The following TTLL5 variants were observed in gnomAD, a reference collection of about 807,000 sequenced individuals.
The protein encoded by TTLL5 is tubulin tyrosine ligase like 5.
In TTLL5, 132 loss-of-function variants were observed where a neutral mutation model predicts 168.4. The observed-to-expected ratio is 0.78, with a 90% confidence interval of 0.68 to 0.91. TTLL5 has a LOEUF of 0.91. Ranked by LOEUF, TTLL5 falls within the 40% of genes least tolerant of loss-of-function variation. The probability of loss-of-function intolerance (pLI) is 0.00; values close to 1 mark genes in which losing one functional copy is unlikely to be tolerated. For missense variants in TTLL5, 1,545 were observed against 1,581.5 expected, an observed-to-expected ratio of 0.98 and a Z score of 0.39; for synonymous variants, 546 against 558.6, an observed-to-expected ratio of 0.98 and a Z score of 0.32.
At chr14:75,694,522 TG>T (rs1167590656) in intron 6 of TTLL5, among the ~76,000 whole-genome samples, 2 of 152,032 alleles carry the variant, frequency 1.3e-5, no homozygotes, top group Non-Finnish European at 2.9e-5. Context: ...TTAGTAGAGA[TG>T]GGGTTTCACC....
chr14:75,816,945 A>G (rs148105013), intron 27 of TTLL5, among the ~76,000 whole-genome samples: 1 of 149,342 alleles, frequency 6.7e-6, no homozygotes, highest in Non-Finnish European at 1.5e-5. Flanking sequence ...AGTTACTACC[A>G]TAATTTGCTA....
chr14:75,680,086 C>G (rs1458329164), intron 3 of TTLL5, among the ~76,000 whole-genome samples: 7 of 152,160 alleles, frequency 4.6e-5, no homozygotes, highest in Non-Finnish European at 8.8e-5. Context: ...AGAAACTGTT[C>G]AATATGAAGT....
chr14:75,700,123 A>G (rs1886158043), intron 7 of TTLL5, among the ~76,000 whole-genome samples: 1 of 152,160 alleles, frequency 6.6e-6, no homozygotes, highest in South Asian at 2.1e-4. Context: ...CTCAGTGGAA[A>G]CCAACTCTTG....
At position 75,776,806 on chromosome 14, in the gene TTLL5, T is replaced by C; in HGVS notation, c.2343T>C (p.Asp781=). The change falls in exon 23 of 32, where the codon GAT becomes GAC. Residue 781 remains aspartate (D), a synonymous_variant. Coordinates refer to ENST00000298832, the MANE Select transcript of TTLL5 (RefSeq NM_015072.5). ...SKKKVEEEEE[D]GVNMENFQEF... ...AGAAAGTTGAGGAAGAAGAGGAAGA[T>C]GGGGTGAATATGGAAAACTTTCAGG... The C allele has an allele frequency of 6.2e-7, 1 of 1,613,970 alleles. No homozygotes were observed. Among genetic ancestry groups the C allele is most frequent in the Non-Finnish European group, 8.5e-7 (1 of 1,179,904 alleles).
At chr14:75,931,643 C>G (rs985549915) in intron 31 of TTLL5, among the ~76,000 whole-genome samples, 3 of 152,142 alleles carry the variant, frequency 2.0e-5, no homozygotes, top group Non-Finnish European at 4.4e-5. Context: ...TTCAGAAGCT[C>G]CCTTTAAAGT....
intron 7 of TTLL5, among the ~76,000 whole-genome samples, chr14:75,701,313 T>C (rs1038260137): frequency 6.6e-6 from 1 of 152,230 alleles, no homozygotes; most frequent in Non-Finnish European, 1.5e-5. Flanking sequence ...TTTCCCCTGC[T>C]ATTGGATTTT....
intron 21 of TTLL5, 145 bp downstream of exon 21, chr14:75,771,999 A>G (rs1207740100): frequency 2.2e-6 from 2 of 921,494 alleles, no homozygotes; most frequent in African/African-American, 3.4e-5. Flanking sequence ...ATTTCTTATA[A>G]ATCTATACTT....
At chr14:75,801,715 T>G (rs557119725) in intron 27 of TTLL5, among the ~76,000 whole-genome samples, 2 of 152,350 alleles carry the variant, frequency 1.3e-5, no homozygotes, top group South Asian at 4.1e-4. Flanking sequence ...TGTCATTGAT[T>G]ATTCTTTTTC....
At chr14:75,800,920 T>C (rs1893272682) in intron 27 of TTLL5, among the ~76,000 whole-genome samples, 1 of 152,136 alleles carries the variant, frequency 6.6e-6, no homozygotes, top group South Asian at 2.1e-4. Flanking sequence ...TGTTGTAGTT[T>C]TGTTCAGTGA....
intron 12 of TTLL5, chr14:75,732,026 T>A: frequency 2.5e-5 from 4 of 161,090 alleles, no homozygotes; most frequent in Admixed American, 6.6e-5. Flanking sequence ...TTTACGCCCA[T>A]AAGCACAGCA....
At chr14:75,681,379 A>G (rs1364592480) in intron 3 of TTLL5, among the ~76,000 whole-genome samples, 166 bp from the exon 4 acceptor site, 1 of 152,196 alleles carries the variant, frequency 6.6e-6, no homozygotes, top group Non-Finnish European at 1.5e-5. Context: ...ACCTCCAAAG[A>G]GTCTCATTTT....
At chr14:75,862,883 G>A (rs1488951411) in intron 28 of TTLL5, among the ~76,000 whole-genome samples, 1 of 152,084 alleles carries the variant, frequency 6.6e-6, no homozygotes, top group Non-Finnish European at 1.5e-5. Context: ...GGAGGTTGAG[G>A]CTACGGTGAG....
chr14:75,881,297 G>T (rs111545231), intron 29 of TTLL5, among the ~76,000 whole-genome samples: 33 of 152,260 alleles, frequency 2.2e-4, no homozygotes, highest in African/African-American at 7.0e-4. Flanking sequence ...TACACAGGTT[G>T]GGGACATCTC....
At position 75,776,558 on chromosome 14, in the gene TTLL5, A is replaced by G. The variant is rs1367674167; in HGVS notation, c.2284-189A>G. The G allele has an allele frequency of 1.2e-4, 57 of 478,128 alleles. 2 individuals are homozygous for G. The East Asian group carries it at 1.9e-3, about 16-fold the overall frequency. The allele number at this position is 478,128 out of a possible 1,614,324, so 29.6% of individuals were successfully genotyped here. A position where few individuals can be genotyped will look rare whatever the true frequency, so the allele number is the denominator to read the frequency against. On this transcript the variant is annotated intron_variant, in intron 22 of 31. Coordinates refer to ENST00000298832, the MANE Select transcript of TTLL5 (RefSeq NM_015072.5). ...GCAACTTTTACTTGGGAATTTCAAA[A>G]TGTTTTACAAAATCATGGCCAAAAG... is the stretch of plus-strand genomic sequence containing the variant.
intron 31 of TTLL5, among the ~76,000 whole-genome samples, chr14:75,950,669 T>C (rs1029461184): frequency 2.0e-5 from 3 of 152,184 alleles, no homozygotes; most frequent in Non-Finnish European, 2.9e-5. Flanking sequence ...ATTTTTTATT[T>C]TAAAAACCTT....
At chr14:75,845,835 T>G (rs1291018836) in intron 28 of TTLL5, among the ~76,000 whole-genome samples, 2 of 152,184 alleles carry the variant, frequency 1.3e-5, no homozygotes, top group African/African-American at 4.8e-5. Context: ...GGGAGGAAAA[T>G]CAGTACCAGT....
At chr14:75,901,722 C>G (rs951828866) in intron 30 of TTLL5, among the ~76,000 whole-genome samples, 2 of 152,190 alleles carry the variant, frequency 1.3e-5, no homozygotes, top group African/African-American at 4.8e-5. Context: ...CAGTTGAAAA[C>G]CACTCTTCCA....
chr14:75,938,966 CA>C (rs746174010), intron 31 of TTLL5, among the ~76,000 whole-genome samples: 14 of 152,162 alleles, frequency 9.2e-5, no homozygotes, highest in Non-Finnish European at 1.3e-4. Flanking sequence ...GTGGGTCATC[CA>C]ATCAGTTTAA....
chr14:75,795,591 C>G (rs775122964), intron 27 of TTLL5, among the ~76,000 whole-genome samples: 1 of 152,094 alleles, frequency 6.6e-6, no homozygotes, highest in African/African-American at 2.4e-5. Flanking sequence ...ACCCTTCCCC[C>G]CAAGTCCCCA....
Sources: gnomAD v4.1 joint callset for allele counts (sites outside exome capture counted in the v4.1 genomes callset) on GRCh38, gnomAD v4.1.1 for gene constraint, MANE v1.5 for transcripts, NCBI Gene and HGNC (gene_info 2026-07-23, HGNC 2026-07-21) for gene names.